Variants in CAST observed in about 807,000 individuals in gnomAD.
CAST encodes the protein calpastatin.
In CAST, 76 loss-of-function variants were observed where a neutral mutation model predicts 119.6. The observed-to-expected ratio is 0.64, with a 90% CI of 0.53 to 0.77. CAST has a LOEUF of 0.77. Ranked by LOEUF, CAST falls within the 30% of genes least tolerant of loss-of-function variation. CAST has a pLI of 0.00. For synonymous variants in CAST, 319 were observed against 331.6 expected (o/e 0.96, Z 0.41); for missense variants, 953 against 946.5 (o/e 1.01, Z -0.09).
intron 1 of CAST, among the ~76,000 whole-genome samples, chr5:96,570,328 A>G (rs1230775974): frequency 2.0e-5 from 3 of 152,224 alleles, no homozygotes; most frequent in Non-Finnish European, 4.4e-5. Flanking sequence ...GCTGGTGAAG[A>G]AGGAAATACT....
the CAST span, among the ~76,000 whole-genome samples, chr5:95,974,003 G>GCACACA: frequency 8.2e-5 from 12 of 146,978 alleles, no homozygotes; most frequent in East Asian, 1.0e-3. Flanking sequence ...AAATTTGCAC[G>GCACACA]CACACACACA....
At chr5:96,037,890 T>C in the CAST span, among the ~76,000 whole-genome samples, 1 of 152,148 alleles carries the variant, frequency 6.6e-6, no homozygotes, top group Non-Finnish European at 1.5e-5. Flanking sequence ...GCTCATCTTC[T>C]GGAATGACTG....
chr5:96,742,346 T>G lies in CAST; in HGVS notation c.1099-309T>G, dbSNP rs116570609. ...ACAGTTTACTACTTGCTTCTTTTTTTTTTGTTTGTTTAGAGTATTTTATAG... is the reference window on the plus strand; with the variant it reads ...ACAGTTTACTACTTGCTTCTTTTTTGTTTGTTTGTTTAGAGTATTTTATAG... On this transcript the variant is annotated intron_variant, in intron 15 of 31. Coordinates refer to ENST00000675179, the MANE Select transcript of CAST (RefSeq NM_001750.7). The G allele has an allele frequency of 9.0e-3, 1,876 of 207,482 alleles. 34 individuals carry two copies. Among genetic ancestry groups the G allele is most frequent in the South Asian group, 0.031 (225 of 7,352 alleles). The allele number at this position is 207,482 out of a possible 1,614,324, so 12.9% of individuals were successfully genotyped here. A position where few individuals can be genotyped will look rare whatever the true frequency, so the allele number is the denominator to read the frequency against.
At chr5:96,214,233 T>C in the CAST span, among the ~76,000 whole-genome samples, 1 of 152,258 alleles carries the variant, frequency 6.6e-6, no homozygotes, top group Non-Finnish European at 1.5e-5. Flanking sequence ...ATTTAGAGCA[T>C]GAATAAGAAA....
At chr5:96,513,619 C>T in the CAST span, among the ~76,000 whole-genome samples, 22,731 of 152,208 alleles carry the variant, frequency 0.15, 2,030 homozygotes, top group Middle Eastern at 0.2. Flanking sequence ...CAGTCAAGTG[C>T]TACCTCTGGA....
At chr5:96,459,468 A>G in the CAST span, among the ~76,000 whole-genome samples, 1 of 152,214 alleles carries the variant, frequency 6.6e-6, no homozygotes, top group Non-Finnish European at 1.5e-5. Context: ...ATCAAGAGGA[A>G]AATTAATATA....
rs1323165757 is a variant in CAST, at chr5:96,741,285, A to G, written c.938A>G (p.Asp313Gly). 1 of 1,612,066 alleles carries G rather than the reference A, an allele frequency of 6.2e-7. No homozygotes were observed. Among genetic ancestry groups the G allele is most frequent in the South Asian group, 1.1e-5 (1 of 91,006 alleles). ...CTTTAGAAACCCATAGGGCCAGATG[A>G]TGCTATAGACGCCTTGTCATCTGAC... ...ADSSKPIGPD[D>G]AIDALSSDFT... The change falls in exon 14 of 32, where the codon GAT (aspartate) becomes GGT (glycine). Residue 313 changes from aspartate to glycine, a missense_variant. Physicochemically the swap from Asp to Gly is moderately conservative, Grantham distance 94 (BLOSUM62 -1). Coordinates refer to ENST00000675179, the MANE Select transcript of CAST (RefSeq NM_001750.7).
the CAST span, among the ~76,000 whole-genome samples, chr5:96,344,359 T>C: frequency 2.4e-3 from 359 of 152,296 alleles, 4 homozygotes; most frequent in South Asian, 7.7e-3. Context: ...TCTCCAAATA[T>C]GGTTTTTTTT....
At chr5:96,252,340 G>A in the CAST span, among the ~76,000 whole-genome samples, 1 of 152,070 alleles carries the variant, frequency 6.6e-6, no homozygotes, top group Admixed American at 6.6e-5. Flanking sequence ...TCTTTTTAAT[G>A]AATAGTATTC....
chr5:96,383,182 G>C, the CAST span, among the ~76,000 whole-genome samples: 3 of 152,146 alleles, frequency 2.0e-5, no homozygotes, highest in African/African-American at 7.2e-5. Context: ...TGATCAGAAA[G>C]GCTTCCCTGA....
At chr5:96,665,743 TACAC>T (rs745907302) in intron 1 of CAST, among the ~76,000 whole-genome samples, 20 of 130,076 alleles carry the variant, frequency 1.5e-4, no homozygotes, top group Admixed American at 3.8e-4. Context: ...CACACACACA[TACAC>T]ACACACACAC....
At chr5:96,559,452 G>A (rs1386348725) in intron 1 of CAST, among the ~76,000 whole-genome samples, 3 of 152,168 alleles carry the variant, frequency 2.0e-5, no homozygotes, top group Non-Finnish European at 4.4e-5. Context: ...TGTATATCTA[G>A]AAAACCCCAT....
At chr5:96,701,694 ACTCG>A (rs903900688) in intron 3 of CAST, among the ~76,000 whole-genome samples, 40 of 151,748 alleles carry the variant, frequency 2.6e-4, no homozygotes, top group African/African-American at 9.0e-4. Flanking sequence ...AATCGCAGCT[ACTCG>A]GGAAGCTGAG....
At chr5:96,548,637 C>T (rs1340583491) in intron 1 of CAST, among the ~76,000 whole-genome samples, 1 of 152,040 alleles carries the variant, frequency 6.6e-6, no homozygotes, top group Non-Finnish European at 1.5e-5. Flanking sequence ...ATCAAAACCC[C>T]CAATGACAAT....
intron 1 of CAST, among the ~76,000 whole-genome samples, chr5:96,542,845 C>T (rs1231322679): frequency 6.6e-6 from 1 of 152,200 alleles, no homozygotes; most frequent in Admixed American, 6.5e-5. Context: ...GAGATGCCAT[C>T]TCACACTAGT....
chr5:96,373,006 A>G, the CAST span, among the ~76,000 whole-genome samples: 1 of 152,078 alleles, frequency 6.6e-6, no homozygotes, highest in Non-Finnish European at 1.5e-5. Context: ...TCTTGAACTG[A>G]TTCTCCAATT....
chr5:96,336,603 A>C, the CAST span, among the ~76,000 whole-genome samples: 1 of 152,226 alleles, frequency 6.6e-6, no homozygotes, highest in African/African-American at 2.4e-5. Context: ...CATTGGAAGG[A>C]GCACATCAAA....
chr5:96,062,661 CT>C, the CAST span, among the ~76,000 whole-genome samples: 2,008 of 152,270 alleles, frequency 0.013, 39 homozygotes, highest in African/African-American at 0.046. Flanking sequence ...GGTCACCATC[CT>C]GGCAGGGATA....
intron 1 of CAST, among the ~76,000 whole-genome samples, chr5:96,656,660 C>T (rs1748162356): frequency 6.6e-6 from 1 of 152,148 alleles, no homozygotes; most frequent in Admixed American, 6.5e-5. Context: ...AGAAAACCTG[C>T]CCGTTTGGGT....
Sources: allele counts gnomAD v4.1 joint callset (sites outside exome capture counted in the v4.1 genomes callset), GRCh38; gene constraint gnomAD v4.1.1; transcripts MANE v1.5; gene names NCBI Gene and HGNC (gene_info 2026-07-23, HGNC 2026-07-21).